Variants in GRID2 observed in about 807,000 individuals in gnomAD.
GRID2 encodes the protein glutamate receptor ionotropic, delta-2.
GRID2 carries 33 observed loss-of-function variants against 114.8 expected under a neutral mutation model. That is an observed-to-expected ratio of 0.29 (90% CI 0.22 to 0.38). The LOEUF (loss-of-function observed/expected upper bound fraction) is 0.38, where lower values mean the gene tolerates loss of function less well. GRID2 is among the 10% of genes least tolerant of loss of function. The pLI is 1.00. For missense variants in GRID2, 1,184 were observed against 1,257.7 expected (o/e 0.94, Z 0.89); for synonymous variants, 505 against 449.9 (o/e 1.12, Z -1.55).
intron 2 of GRID2, among the ~76,000 whole-genome samples, chr4:92,825,302 T>C (rs1741613008): frequency 6.6e-6 from 1 of 152,146 alleles, no homozygotes; most frequent in South Asian, 2.1e-4. Context: ...GCTCGCAGTC[T>C]GTTGAGAAGA....
At chr4:92,968,278 TATTA>T (rs1753283590) in intron 2 of GRID2, among the ~76,000 whole-genome samples, 1 of 151,914 alleles carries the variant, frequency 6.6e-6, no homozygotes, top group Admixed American at 6.6e-5. Flanking sequence ...TTATTAATTT[TATTA>T]ATTAAATTTG....
intron 2 of GRID2, among the ~76,000 whole-genome samples, chr4:93,059,205 G>T (rs553403395): frequency 1.3e-5 from 2 of 152,162 alleles, no homozygotes; most frequent in South Asian, 2.1e-4. Flanking sequence ...CATAATTAAG[G>T]CAAATGAGTA....
chr4:93,279,418 C>G (rs1752414395), intron 8 of GRID2, among the ~76,000 whole-genome samples: 1 of 151,684 alleles, frequency 6.6e-6, no homozygotes, highest in Non-Finnish European at 1.5e-5. Flanking sequence ...AGAAGCTTAT[C>G]CATCAAAACA....
chr4:93,535,681 C>T (rs1158723988), intron 13 of GRID2, among the ~76,000 whole-genome samples: 3 of 151,942 alleles, frequency 2.0e-5, no homozygotes, highest in Admixed American at 2.0e-4. Context: ...TACCTGTTGG[C>T]CATTTGTATA....
chr4:93,755,885 T>G (rs1732703682), intron 14 of GRID2, among the ~76,000 whole-genome samples: 1 of 152,190 alleles, frequency 6.6e-6, no homozygotes, highest in Admixed American at 6.5e-5. Flanking sequence ...TCTCTCTTGC[T>G]TTTTGTCTAC....
At chr4:93,742,805 G>T (rs1731530872) in intron 14 of GRID2, among the ~76,000 whole-genome samples, 1 of 152,050 alleles carries the variant, frequency 6.6e-6, no homozygotes, top group Non-Finnish European at 1.5e-5. Context: ...CCTCCTGTTT[G>T]CTGAGACACA....
chr4:93,271,042 A>T (rs1751407233), intron 8 of GRID2, among the ~76,000 whole-genome samples: 1 of 152,232 alleles, frequency 6.6e-6, no homozygotes, highest in Non-Finnish European at 1.5e-5. Context: ...ATTAAAGGAA[A>T]GATTGAGGCT....
At chr4:92,683,256 G>A (rs1364710794) in intron 2 of GRID2, among the ~76,000 whole-genome samples, 3 of 151,844 alleles carry the variant, frequency 2.0e-5, no homozygotes, top group Non-Finnish European at 4.4e-5. Flanking sequence ...TGGAGATCGC[G>A]CCCCTGCACT....
At chr4:92,339,543 A>G (rs771475272) in intron 1 of GRID2, among the ~76,000 whole-genome samples, 10 of 143,086 alleles carry the variant, frequency 7.0e-5, no homozygotes, top group Non-Finnish European at 1.5e-4. Context: ...CCTCATAGTA[A>G]CCCTATAAAT....
chr4:93,605,361 T>G (rs1740123611), intron 13 of GRID2, among the ~76,000 whole-genome samples: 1 of 152,208 alleles, frequency 6.6e-6, no homozygotes, highest in South Asian at 2.1e-4. Context: ...AAACATTCTA[T>G]GAAACTGTGC....
intron 1 of GRID2, among the ~76,000 whole-genome samples, chr4:92,579,124 C>T (rs1385850871): frequency 6.6e-6 from 1 of 152,030 alleles, no homozygotes; most frequent in Non-Finnish European, 1.5e-5. Flanking sequence ...TCTTCATACA[C>T]CAGGAGGGCA....
At chr4:93,151,615 A>T (rs1736746908) in intron 4 of GRID2, among the ~76,000 whole-genome samples, 1 of 152,148 alleles carries the variant, frequency 6.6e-6, no homozygotes, top group Admixed American at 6.5e-5. Flanking sequence ...ATAGAAGAAA[A>T]TATTAGAATA....
intron 8 of GRID2, among the ~76,000 whole-genome samples, chr4:93,324,422 G>C (rs1757600462): frequency 6.6e-6 from 1 of 151,036 alleles, no homozygotes; most frequent in South Asian, 2.1e-4. Flanking sequence ...TGGATATGCT[G>C]CTGGATTCAG....
chr4:92,362,078 A>G (rs953667265), intron 1 of GRID2, among the ~76,000 whole-genome samples: 1 of 152,054 alleles, frequency 6.6e-6, no homozygotes, highest in Non-Finnish European at 1.5e-5. Context: ...ATTGAACAAC[A>G]TACTCAGACT....
chr4:92,844,705 CAAAA>C (rs35173293), intron 2 of GRID2, among the ~76,000 whole-genome samples: 23 of 92,948 alleles, frequency 2.5e-4, no homozygotes, highest in Non-Finnish European at 3.6e-4. Flanking sequence ...GACTCTGTCT[CAAAA>C]AAAAAAAAAA....
At chr4:92,692,480 A>G (rs1448778516) in intron 2 of GRID2, among the ~76,000 whole-genome samples, 3 of 152,184 alleles carry the variant, frequency 2.0e-5, no homozygotes, top group Non-Finnish European at 4.4e-5. Context: ...TTATTAACTT[A>G]TCAGAATCAC....
chr4:92,391,047 T>G (rs558934463), intron 1 of GRID2, among the ~76,000 whole-genome samples: 1 of 152,280 alleles, frequency 6.6e-6, no homozygotes, highest in East Asian at 1.9e-4. Context: ...TCCTTACTAA[T>G]AGCCAAAGAA....
At chr4:93,064,341 C>T (rs986051206) in intron 2 of GRID2, among the ~76,000 whole-genome samples, 1 of 151,576 alleles carries the variant, frequency 6.6e-6, no homozygotes, top group African/African-American at 2.4e-5. Context: ...ATGTGACCTA[C>T]TGCTTGGAGC....
intron 1 of GRID2, among the ~76,000 whole-genome samples, chr4:93,783,721 G>C (rs1734527828): frequency 6.6e-6 from 1 of 152,130 alleles, no homozygotes; most frequent in African/African-American, 2.4e-5. Flanking sequence ...GGTGGTGTTA[G>C]TGACCTTTCC....
Sources: allele counts gnomAD v4.1 joint callset (sites outside exome capture counted in the v4.1 genomes callset), GRCh38; gene constraint gnomAD v4.1.1; transcripts MANE v1.5; gene names NCBI Gene and HGNC (gene_info 2026-07-23, HGNC 2026-07-21).